PCDHA2: variants seen among roughly 807,000 people sequenced by gnomAD.
The protein encoded by PCDHA2 is protocadherin alpha-2.
PCDHA2 carries 58 observed loss-of-function variants against 66.0 expected under a neutral mutation model. The observed-to-expected ratio is 0.88, with a 90% CI of 0.71 to 1.09. PCDHA2 has a LOEUF of 1.09. PCDHA2 is among the 50% of genes least tolerant of loss of function. The probability of loss-of-function intolerance (pLI) is 0.00; values close to 1 mark genes in which losing one functional copy is unlikely to be tolerated. For missense variants in PCDHA2, 1,267 were observed against 1,242.3 expected (o/e 1.02, Z -0.30); for synonymous variants, 634 against 554.0 (o/e 1.14, Z -2.03).
intron 1 of PCDHA2, chr5:140,850,371 C>T (rs1386017704): frequency 1.9e-6 from 3 of 1,597,910 alleles, no homozygotes; most frequent in Non-Finnish European, 2.6e-6. Flanking sequence ...CCGCGTGGGG[C>T]TGTACACGGG....
chr5:140,826,843 G>A (rs1033501047), intron 1 of PCDHA2, among the ~76,000 whole-genome samples: 2 of 152,078 alleles, frequency 1.3e-5, no homozygotes, highest in African/African-American at 2.4e-5. Context: ...TTTCTCAAGT[G>A]TCTTGCAATT....
intron 1 of PCDHA2, among the ~76,000 whole-genome samples, chr5:140,965,232 G>C (rs192008157): frequency 6.6e-5 from 10 of 152,194 alleles, no homozygotes; most frequent in Non-Finnish European, 1.0e-4. Context: ...GTGAGAACCT[G>C]GGAAGAGTGA....
chr5:140,863,615 T>A (rs1290782399), intron 1 of PCDHA2: 16 of 339,092 alleles, frequency 4.7e-5, no homozygotes, highest in Non-Finnish European at 8.7e-5. Context: ...ATGTCCCTCA[T>A]AGTGACATTG....
At position 140,851,423 on chromosome 5, in the gene PCDHA2, A is replaced by T. The variant is rs967768563; in HGVS notation, c.2388+54071A>T. 1.1e-5 allele frequency: 10 copies of T among 949,488 alleles called. 1 individual carries two copies. Among genetic ancestry groups the T allele is most frequent in the Non-Finnish European group, 1.3e-5 (10 of 784,130 alleles). 58.8% of individuals were successfully genotyped at this position (949,488 alleles called of 1,614,324 possible). On this transcript the variant is annotated intron_variant, in intron 1 of 3. Coordinates refer to ENST00000526136, the MANE Select transcript of PCDHA2 (RefSeq NM_018905.3). ...TTAATAAGAAAGAAACTTCCCCTAA[A>T]CTTTAGAAAACAGTTGCTCCACTTT...
intron 1 of PCDHA2, chr5:140,836,596 C>T (rs2150264981): frequency 6.2e-7 from 1 of 1,613,764 alleles, no homozygotes; most frequent in Non-Finnish European, 8.5e-7. Context: ...GTAAAGCCCA[C>T]TCTGGTGTGC....
chr5:140,872,347 C>T (rs556222685), intron 1 of PCDHA2, among the ~76,000 whole-genome samples: 44 of 152,200 alleles, frequency 2.9e-4, no homozygotes, highest in African/African-American at 1.0e-3. Context: ...CATGTTCTTG[C>T]CAGGCAAAGT....
chr5:140,901,970 G>A (rs1178784932), intron 1 of PCDHA2, among the ~76,000 whole-genome samples: 1 of 151,954 alleles, frequency 6.6e-6, no homozygotes, highest in Non-Finnish European at 1.5e-5. Context: ...TCGTAAATGG[G>A]ATTACTTTTT....
chr5:140,796,839 GC>G lies in PCDHA2; in HGVS notation c.1876del (p.Leu626TyrfsTer12). ...GCGCTCGCATCCCGTTCCGCGTGGG[GC>G]TATACACGGGTGAGATCAGCACGAC... ...GSARIPFRVG[L>X]YTGEISTTRA... On this transcript the variant is annotated frameshift_variant, in exon 1 of 4. Transcript: ENST00000526136. LOFTEE classifies it high-confidence loss of function. The G allele has an allele frequency of 6.2e-7, 1 of 1,614,102 alleles. No homozygotes were observed. The highest frequency in any genetic ancestry group is 8.5e-7 in the Non-Finnish European group (1 of 1,179,980).
chr5:140,941,211 CTTCCTTTCTTT>C (rs782043135), intron 1 of PCDHA2, among the ~76,000 whole-genome samples: 8,933 of 129,680 alleles, frequency 0.069, 349 homozygotes, highest in Non-Finnish European at 0.093. Flanking sequence ...TCCTTTCTTT[CTTCCTTTCTTT>C]CTTTCTTTCT....
At chr5:140,857,245 C>T (rs1411907706) in intron 1 of PCDHA2, 5 of 1,598,612 alleles carry the variant, frequency 3.1e-6, no homozygotes, top group Non-Finnish European at 4.3e-6. Context: ...TGGTGTCCAC[C>T]TACAAGAATT....
chr5:140,997,668 TTGTG>T lies in PCDHA2; in HGVS notation c.2537-11933_2537-11930del, dbSNP rs35184029. On this transcript the variant is annotated intron_variant, in intron 3 of 3. Coordinates refer to ENST00000526136, the MANE Select transcript of PCDHA2 (RefSeq NM_018905.3). ...AATGCAATATGTATTATTATACAGC[TTGTG>T]TGTGTGTGTGTGTGTGTGTGTGTGT... Among the ~76,000 whole-genome samples, 716 of 148,202 alleles carry T rather than the reference TTGTG, an allele frequency of 4.8e-3. 2 individuals carry two copies. The highest frequency in any genetic ancestry group is 0.01 in the Middle Eastern group (3 of 294).
At chr5:140,821,371 A>G (rs1405228557) in intron 1 of PCDHA2, among the ~76,000 whole-genome samples, 1 of 152,222 alleles carries the variant, frequency 6.6e-6, no homozygotes, top group Non-Finnish European at 1.5e-5. Flanking sequence ...TTTCTGTAAT[A>G]TTTTAATGAC....
At chr5:140,875,228 T>C in intron 1 of PCDHA2, 5 of 832,094 alleles carry the variant, frequency 6.0e-6, no homozygotes, top group Non-Finnish European at 8.6e-6. Flanking sequence ...CTCAGGATCT[T>C]TCTTGTACTT....
At position 140,796,952 on chromosome 5, in the gene PCDHA2, C is replaced by G. The variant is rs998701281; in HGVS notation, c.1988C>G (p.Ala663Gly). Residue 663 changes from alanine (A) to glycine (G), a missense_variant, in exon 1 of 4, where the codon GCC (alanine) becomes GGC (glycine). Ala to Gly is a moderately conservative substitution (Grantham distance 60, BLOSUM62 0). Transcript: ENST00000526136. ...DHGEPALTAT[A>G]TVLVSLVESG... ...GGCGAACCAGCGTTGACAGCCACGG[C>G]CACCGTGTTAGTGTCGTTGGTGGAA... The G allele has an allele frequency of 3.1e-6, 5 of 1,613,806 alleles. No individual in the cohort carries two copies. The highest frequency in any genetic ancestry group is 4.2e-6 in the Non-Finnish European group (5 of 1,179,964).
Position 140,924,728 on chromosome 5 carries a change from C to G in PCDHA2, c.2389-54221C>G, listed in dbSNP as rs191622894. Among the ~76,000 whole-genome samples, 1,223 of 151,892 alleles carry G rather than the reference C, an allele frequency of 8.1e-3. 6 individuals carry two copies. The highest frequency in any genetic ancestry group is 0.019 in the African/African-American group (789 of 41,420). ...TGTGCAACATGGCGAAACCTCACCT[C>G]TAATAAAAATACAAAAATTAACCGA... On this transcript the variant is annotated intron_variant, in intron 1 of 3. Transcript: ENST00000526136.
chr5:140,926,798 C>G, intron 1 of PCDHA2: 2 of 1,455,342 alleles, frequency 1.4e-6, no homozygotes, highest in Non-Finnish European at 1.8e-6. Flanking sequence ...GGAGCGTGCT[C>G]TTCCCCGCGG....
At chr5:140,827,817 A>G (rs1769419450) in intron 1 of PCDHA2, 3 of 368,424 alleles carry the variant, frequency 8.1e-6, no homozygotes, top group Non-Finnish European at 9.6e-6. Flanking sequence ...AGGAGGGTTT[A>G]CTATAAAAGT....
chr5:140,873,318 G>A (rs1164778902), intron 1 of PCDHA2, among the ~76,000 whole-genome samples: 1 of 152,168 alleles, frequency 6.6e-6, no homozygotes, highest in Non-Finnish European at 1.5e-5. Context: ...GTGAATATTA[G>A]ATAGGGCATA....
At chr5:140,922,839 C>T (rs2081023123) in intron 1 of PCDHA2, among the ~76,000 whole-genome samples, 1 of 152,140 alleles carries the variant, frequency 6.6e-6, no homozygotes, top group South Asian at 2.1e-4. Context: ...TAGATGTCCT[C>T]AAAGAGACCA....
Sources: allele counts gnomAD v4.1 joint callset (sites outside exome capture counted in the v4.1 genomes callset), GRCh38; gene constraint gnomAD v4.1.1; transcripts MANE v1.5; gene names NCBI Gene and HGNC (gene_info 2026-07-23, HGNC 2026-07-21).